Variants in PPHLN1 observed in about 807,000 individuals in gnomAD.
PPHLN1 encodes the protein periphilin-1.
Under a neutral mutation model 51.3 loss-of-function variants are expected in PPHLN1, and 29 were observed. The ratio of observed to expected loss-of-function variants is 0.57; its 90% CI spans 0.42 to 0.77. The LOEUF (loss-of-function observed/expected upper bound fraction) is 0.77. Among genes scored for constraint, PPHLN1 ranks in the 30% least tolerant of loss-of-function variants. The pLI is 0.00. For synonymous variants in PPHLN1, 147 were observed against 147.8 expected, an observed-to-expected ratio of 0.99 and a Z score of 0.04; for missense variants, 436 against 438.4, an observed-to-expected ratio of 0.99 and a Z score of 0.05.
intron 4 of PPHLN1, among the ~76,000 whole-genome samples, chr12:42,357,643 A>C (rs1456918893): frequency 6.6e-6 from 1 of 152,228 alleles, no homozygotes; most frequent in Non-Finnish European, 1.5e-5. Context: ...ACACTTTTAA[A>C]AACTAGATCA....
At chr12:42,443,786 A>T (rs1165901583), downstream of PPHLN1, 17 of 152,224 alleles carry the variant, frequency 1.1e-4, 1 homozygote. Flanking sequence ...CTTCCCCCGC[A>T]GCAGTTTCTC....
intron 4 of PPHLN1, among the ~76,000 whole-genome samples, chr12:42,373,319 C>CT (rs34479020): frequency 0.3 from 45,125 of 152,112 alleles, 7,761 homozygotes; most frequent in Non-Finnish European, 0.38. Context: ...CCTTAATGCT[C>CT]TATTTCATTA....
intron 9 of PPHLN1, among the ~76,000 whole-genome samples, chr12:42,403,082 T>C (rs2078979975): frequency 6.6e-6 from 1 of 152,218 alleles, no homozygotes; most frequent in South Asian, 2.1e-4. Flanking sequence ...TGAAATTGTT[T>C]TCAAAGTAGT....
intron 5 of PPHLN1, among the ~76,000 whole-genome samples, chr12:42,378,935 A>G (rs118171982): frequency 0.011 from 1,608 of 152,216 alleles, 12 homozygotes; most frequent in Middle Eastern, 0.024. Flanking sequence ...CCATGTTCAC[A>G]TGCTAGCAGT....
At chr12:42,361,068 T>G (rs1350994053) in intron 4 of PPHLN1, among the ~76,000 whole-genome samples, 1 of 152,222 alleles carries the variant, frequency 6.6e-6, no homozygotes, top group East Asian at 1.9e-4. Context: ...CCCAAATTCA[T>G]GTTGAAACCT....
chr12:42,351,762 C>A (rs758428303), intron 2 of PPHLN1, 123 bp from the exon 3 acceptor site: 5 of 651,436 alleles, frequency 7.7e-6, no homozygotes, highest in African/African-American at 1.9e-5. Flanking sequence ...ATTTCATTAA[C>A]GCTTTTGTTT....
intron 4 of PPHLN1, among the ~76,000 whole-genome samples, chr12:42,358,378 G>A (rs1359577764): frequency 6.6e-6 from 1 of 151,804 alleles, no homozygotes; most frequent in African/African-American, 2.4e-5. Context: ...TAGGGTTTTT[G>A]ATTGTTTAAT....
intron 9 of PPHLN1, among the ~76,000 whole-genome samples, chr12:42,426,228 A>ACACCCC (rs371819974): frequency 1.5e-5 from 2 of 129,788 alleles, no homozygotes; most frequent in South Asian, 2.5e-4. Flanking sequence ...ACACACACAC[A>ACACCCC]CCCTCATGCA....
chr12:42,364,568 G>A (rs766343125), intron 4 of PPHLN1, among the ~76,000 whole-genome samples: 6 of 152,136 alleles, frequency 3.9e-5, no homozygotes, highest in Non-Finnish European at 5.9e-5. Flanking sequence ...AGGCTGCAGT[G>A]AGCTGTGATC....
intron 5 of PPHLN1, among the ~76,000 whole-genome samples, chr12:42,382,228 G>A (rs2076814373): frequency 6.6e-6 from 1 of 152,190 alleles, no homozygotes; most frequent in Admixed American, 6.5e-5. Flanking sequence ...TGAGTGTGTT[G>A]TGTAATGTTA....
chr12:42,358,582 A>G (rs1373831565), intron 4 of PPHLN1, among the ~76,000 whole-genome samples: 2 of 151,908 alleles, frequency 1.3e-5, no homozygotes, highest in African/African-American at 4.8e-5. Context: ...TTTTTTAACT[A>G]TTTTGTAGAG....
chr12:42,395,281 T>G (rs535302225), intron 8 of PPHLN1, among the ~76,000 whole-genome samples: 3 of 152,240 alleles, frequency 2.0e-5, no homozygotes, highest in Admixed American at 1.3e-4. Context: ...TGTTCTTTTG[T>G]TGGATCAAAG....
chr12:42,442,934 C>T, downstream of PPHLN1: 1 of 846,652 alleles, frequency 1.2e-6, no homozygotes, highest in Non-Finnish European at 1.7e-6. Flanking sequence ...TTTCCCATAA[C>T]CCATGGTCCC....
At chr12:42,388,364 C>T (rs879037196) in intron 7 of PPHLN1, among the ~76,000 whole-genome samples, 6 of 152,102 alleles carry the variant, frequency 3.9e-5, no homozygotes, top group African/African-American at 9.7e-5. Context: ...GATGTTTGGG[C>T]GGAGAGAAAC....
chr12:42,366,314 A>G (rs34852216), intron 4 of PPHLN1, among the ~76,000 whole-genome samples: 24,251 of 141,118 alleles, frequency 0.17, 2,055 homozygotes, highest in Admixed American at 0.23. Flanking sequence ...GGCAGCTTTC[A>G]CCTCCCAGGT....
chr12:42,400,798 T>TCTCACACACACACA (rs1372615565), intron 9 of PPHLN1, among the ~76,000 whole-genome samples: 61 of 142,630 alleles, frequency 4.3e-4, no homozygotes, highest in African/African-American at 1.5e-3. Flanking sequence ...TCTCTCTCTT[T>TCTCACACACACACA]CACACACACA....
intron 2 of PPHLN1, chr12:42,351,509 A>G (rs1043432818): frequency 1.9e-5 from 3 of 155,478 alleles, no homozygotes; most frequent in African/African-American, 7.2e-5. Flanking sequence ...GTATAGTAGA[A>G]CAAATATGAG....
downstream of PPHLN1, chr12:42,447,615 C>T (rs80044272): frequency 3.9e-5 from 6 of 152,310 alleles, no homozygotes; most frequent in East Asian, 1.2e-3. Context: ...CTTTAAAACT[C>T]ATGTTTGTTA....
intron 4 of PPHLN1, among the ~76,000 whole-genome samples, chr12:42,369,426 G>A (rs2034973777): frequency 6.6e-6 from 1 of 152,146 alleles, no homozygotes. Context: ...TCAGGCACTT[G>A]TATTGGCATG....
Sources: allele counts gnomAD v4.1 joint callset (sites outside exome capture counted in the v4.1 genomes callset), GRCh38; gene constraint gnomAD v4.1.1; transcripts MANE v1.5; gene names NCBI Gene and HGNC (gene_info 2026-07-23, HGNC 2026-07-21).